The following GHR variants were observed in gnomAD, a reference collection of about 807,000 sequenced individuals.
GHR encodes GH receptor.
GHR carries 35 observed loss-of-function variants against 67.1 expected under a neutral mutation model. The observed-to-expected ratio is 0.52, with a 90% CI of 0.40 to 0.69. GHR has a LOEUF of 0.69. Ranked by LOEUF, GHR falls within the 30% of genes least tolerant of loss-of-function variation. The pLI is 0.00. For synonymous variants in GHR, 272 were observed against 269.1 expected (o/e 1.01, Z -0.10); for missense variants, 792 against 764.6 (o/e 1.04, Z -0.42).
At chr5:42,466,529 AT>A (rs1266287674) in intron 1 of GHR, among the ~76,000 whole-genome samples, 1 of 152,240 alleles carries the variant, frequency 6.6e-6, no homozygotes, top group Admixed American at 6.5e-5. Context: ...TAACCTGCCT[AT>A]TGCTCAAGCA....
chr5:42,681,899 G>A (rs1182362115), intron 3 of GHR, among the ~76,000 whole-genome samples: 1 of 135,164 alleles, frequency 7.4e-6, no homozygotes, highest in African/African-American at 2.8e-5. Flanking sequence ...TAGCGCCACT[G>A]CAGTCCAGCC....
At chr5:42,649,045 C>A (rs1754885554) in intron 3 of GHR, among the ~76,000 whole-genome samples, 1 of 152,148 alleles carries the variant, frequency 6.6e-6, no homozygotes, top group Non-Finnish European at 1.5e-5. Context: ...AAAAATGGAA[C>A]TCAAATGAGG....
At chr5:42,548,382 T>C in intron 1 of GHR, 5 of 985,338 alleles carry the variant, frequency 5.1e-6, no homozygotes, top group Non-Finnish European at 6.0e-6. Context: ...CCTCCCTCTC[T>C]GTCAGATTTT....
chr5:42,668,674 G>A (rs1756118651), intron 3 of GHR, among the ~76,000 whole-genome samples: 1 of 152,076 alleles, frequency 6.6e-6, no homozygotes, highest in Non-Finnish European at 1.5e-5. Context: ...ATATAAAAAT[G>A]TTCTCTGTTC....
At chr5:42,579,136 TAGATGATAGATAGATATAG>T (rs1561138902) in intron 2 of GHR, among the ~76,000 whole-genome samples, 3,195 of 66,828 alleles carry the variant, frequency 0.048, 56 homozygotes, top group Non-Finnish European at 0.058. Flanking sequence ...GATAGATAGA[TAGATGATAGATAGATATAG>T]ATAGATAGAT....
intron 3 of GHR, among the ~76,000 whole-genome samples, chr5:42,646,800 T>C (rs916387314): frequency 6.6e-6 from 1 of 152,156 alleles, no homozygotes; most frequent in Non-Finnish European, 1.5e-5. Flanking sequence ...ACCACCAGCA[T>C]GCTAGCCTCC....
intron 2 of GHR, among the ~76,000 whole-genome samples, chr5:42,607,447 A>G (rs1456949671): frequency 1.3e-5 from 2 of 152,190 alleles, no homozygotes; most frequent in African/African-American, 4.8e-5. Context: ...TTTCTTAAAC[A>G]TCAACTAGGT....
intron 1 of GHR, among the ~76,000 whole-genome samples, chr5:42,453,053 T>A (rs961524671): frequency 6.4e-5 from 6 of 94,108 alleles, no homozygotes; most frequent in Admixed American, 1.2e-4. Flanking sequence ...TGGACTGTGT[T>A]TTTTTTTTAA....
rs539960674 is a variant in GHR at position 42,614,041 on chromosome 5, C to T, written c.71-14997C>T. 6.6e-5 allele frequency among the ~76,000 whole-genome samples: 10 copies of T among 152,188 alleles called. No individual in the cohort carries two copies. The South Asian group carries it at 1.9e-3, about 28-fold the overall frequency. On this transcript the variant is annotated intron_variant, in intron 2 of 9. Coordinates refer to ENST00000230882, the MANE Select transcript of GHR (RefSeq NM_000163.5). ...TGTAAACTGTGTTTAGGACCTGAAC[C>T]GAATGCTGGCCTTTCACTTCTCAAA...
chr5:42,568,079 G>A (rs1750052861), intron 2 of GHR, among the ~76,000 whole-genome samples: 1 of 152,200 alleles, frequency 6.6e-6, no homozygotes, highest in African/African-American at 2.4e-5. Context: ...TGATGGGTAA[G>A]TGATCTTGGA....
At chr5:42,545,093 T>C (rs775229894) in intron 1 of GHR, among the ~76,000 whole-genome samples, 28 of 152,150 alleles carry the variant, frequency 1.8e-4, no homozygotes, top group Non-Finnish European at 4.0e-4. Flanking sequence ...CCTTTATGGA[T>C]TCTTTTGTGA....
intron 1 of GHR, among the ~76,000 whole-genome samples, chr5:42,555,109 C>G (rs1293957518): frequency 1.3e-5 from 2 of 152,156 alleles, no homozygotes; most frequent in African/African-American, 4.8e-5. Flanking sequence ...GGCAGCCAGT[C>G]AGTCTGGCCA....
At chr5:42,684,090 A>T (rs1162709295) in intron 3 of GHR, among the ~76,000 whole-genome samples, 1 of 152,156 alleles carries the variant, frequency 6.6e-6, no homozygotes, top group African/African-American at 2.4e-5. Context: ...AACCTGATTG[A>T]CATTTGTATT....
At position 42,682,723 on chromosome 5, in the gene GHR, C is replaced by G. The variant is rs754642964; in HGVS notation, c.137-6167C>G. Among the ~76,000 whole-genome samples, 54 of 152,190 alleles carry G rather than the reference C, an allele frequency of 3.5e-4. 1 individual carries two copies. The highest frequency in any genetic ancestry group is 1.3e-3 in the African/African-American group (54 of 41,452). ...ACATTCCATTTGCTAAGAAAAGTGG[C>G]TTGTGTCATTCTTGAGCACTACTTT... On this transcript the variant is annotated intron_variant, in intron 3 of 9. Coordinates refer to ENST00000230882, the MANE Select transcript of GHR (RefSeq NM_000163.5).
intron 1 of GHR, among the ~76,000 whole-genome samples, chr5:42,500,076 G>A (rs1328186284): frequency 6.6e-6 from 1 of 152,174 alleles, no homozygotes; most frequent in African/African-American, 2.4e-5. Flanking sequence ...AGGCATGACA[G>A]TAGCTCATTT....
intron 1 of GHR, among the ~76,000 whole-genome samples, chr5:42,503,691 A>T (rs1746634966): frequency 6.6e-6 from 1 of 152,190 alleles, no homozygotes; most frequent in Non-Finnish European, 1.5e-5. Context: ...GATAAGTGCC[A>T]TGGGGAAAAA....
At chr5:42,673,481 A>G (rs1184147558) in intron 3 of GHR, among the ~76,000 whole-genome samples, 3 of 152,344 alleles carry the variant, frequency 2.0e-5, no homozygotes, top group East Asian at 3.9e-4. Context: ...TCACATGTTC[A>G]TTACAACACT....
At chr5:42,616,866 T>C (rs1753180524) in intron 2 of GHR, among the ~76,000 whole-genome samples, 1 of 152,060 alleles carries the variant, frequency 6.6e-6, no homozygotes, top group Non-Finnish European at 1.5e-5. Context: ...GACAGTAATG[T>C]ACTGGGTCAA....
At chr5:42,681,277 A>G (rs938404169) in intron 3 of GHR, among the ~76,000 whole-genome samples, 2 of 151,078 alleles carry the variant, frequency 1.3e-5, no homozygotes, top group Non-Finnish European at 3.0e-5. Flanking sequence ...AAAAAAAAAA[A>G]CCATCAAAAA....
Sources: gnomAD v4.1 joint callset for allele counts (sites outside exome capture counted in the v4.1 genomes callset) on GRCh38, gnomAD v4.1.1 for gene constraint, MANE v1.5 for transcripts, NCBI Gene and HGNC (gene_info 2026-07-23, HGNC 2026-07-21) for gene names.